Variants in PLCB4 observed in about 807,000 individuals in gnomAD.
PLCB4 encodes the protein 1-phosphatidylinositol 4,5-bisphosphate phosphodiesterase beta-4.
Under a neutral mutation model 178.8 loss-of-function variants are expected in PLCB4, and 77 were observed. That is an observed-to-expected ratio of 0.43 (90% CI 0.36 to 0.52). The LOEUF (loss-of-function observed/expected upper bound fraction) is 0.52, where lower values mean the gene tolerates loss of function less well. Ranked by LOEUF, PLCB4 falls within the 20% of genes least tolerant of loss-of-function variation. The pLI, the probability that PLCB4 is intolerant of heterozygous loss-of-function variation, is 0.00. For missense variants in PLCB4, 1,024 were observed against 1,453.4 expected (o/e 0.70, Z 4.80); for synonymous variants, 496 against 490.8 (o/e 1.01, Z -0.14).
intron 7 of PLCB4, among the ~76,000 whole-genome samples, chr20:9,340,601 A>T (rs138214360): frequency 6.6e-6 from 1 of 151,892 alleles, no homozygotes; most frequent in African/African-American, 2.4e-5. Context: ...TTCTTTTATT[A>T]CTCTTCTGAG....
At chr20:9,187,308 C>G (rs1230742015) in intron 2 of PLCB4, among the ~76,000 whole-genome samples, 2 of 152,080 alleles carry the variant, frequency 1.3e-5, no homozygotes, top group Admixed American at 6.6e-5. Context: ...ATGCCTCCAC[C>G]CACTGCCGTG....
Position 9,140,234 on chromosome 20 carries a change from C to A in PLCB4, c.-79+43892C>A, listed in dbSNP as rs903190652. Among the ~76,000 whole-genome samples, 55 of 152,038 alleles carry A rather than the reference C, an allele frequency of 3.6e-4. 1 individual carries two copies. The highest frequency in any genetic ancestry group is 1.3e-3 in the African/African-American group (54 of 41,412). ...TCAGATCTCAGCTCAAATATCACTTCCTGAGGGGAGCATGGAACACCCTGG... is the reference window on the plus strand; with the variant it reads ...TCAGATCTCAGCTCAAATATCACTTACTGAGGGGAGCATGGAACACCCTGG... On this transcript the variant is annotated intron_variant, in intron 2 of 39. Coordinates refer to ENST00000378473, the MANE Select transcript of PLCB4 (RefSeq NM_001377142.1).
chr20:9,224,592 T>C (rs544497981), intron 3 of PLCB4, among the ~76,000 whole-genome samples: 73 of 152,326 alleles, frequency 4.8e-4, no homozygotes, highest in African/African-American at 1.7e-3. Flanking sequence ...AGACTTGTCT[T>C]ACCTTTTCCA....
At chr20:9,318,271 T>A (rs925288942) in intron 4 of PLCB4, among the ~76,000 whole-genome samples, 3 of 152,060 alleles carry the variant, frequency 2.0e-5, no homozygotes, top group African/African-American at 7.3e-5. Flanking sequence ...AGGGGTTTTT[T>A]AAAGGCAGTT....
chr20:9,230,532 C>T (rs1035918904), intron 3 of PLCB4, among the ~76,000 whole-genome samples: 2 of 152,104 alleles, frequency 1.3e-5, no homozygotes, highest in Non-Finnish European at 2.9e-5. Context: ...AGTTGGCTTT[C>T]ACAAAATAAC....
intron 2 of PLCB4, among the ~76,000 whole-genome samples, chr20:9,191,905 C>T (rs1400146228): frequency 6.7e-6 from 1 of 149,504 alleles, no homozygotes; most frequent in Non-Finnish European, 1.5e-5. Context: ...TAAATATACA[C>T]ATCCTTAGAG....
At chr20:9,413,444 G>T (rs1024139937) in intron 25 of PLCB4, among the ~76,000 whole-genome samples, 1 of 152,016 alleles carries the variant, frequency 6.6e-6, no homozygotes, top group Non-Finnish European at 1.5e-5. Context: ...CAGATCACAA[G>T]GTTAGGAGAT....
intron 4 of PLCB4, among the ~76,000 whole-genome samples, chr20:9,311,757 G>C (rs1320094958): frequency 6.6e-6 from 1 of 152,108 alleles, no homozygotes; most frequent in Non-Finnish European, 1.5e-5. Context: ...GAAAGTCAAA[G>C]TATGTCCTTA....
chr20:9,116,275 A>T (rs2091776160), intron 2 of PLCB4, among the ~76,000 whole-genome samples: 1 of 151,974 alleles, frequency 6.6e-6, no homozygotes, highest in Non-Finnish European at 1.5e-5. Flanking sequence ...AACTTTTCAG[A>T]ATTCTATTTT....
chr20:9,467,548 T>A (rs1283081847), intron 35 of PLCB4, among the ~76,000 whole-genome samples: 1 of 152,272 alleles, frequency 6.6e-6, no homozygotes, highest in African/African-American at 2.4e-5. Flanking sequence ...TCACAACTAT[T>A]ATTCTTGGTT....
At chr20:9,354,505 C>G (rs1056646616) in intron 7 of PLCB4, among the ~76,000 whole-genome samples, 1 of 152,210 alleles carries the variant, frequency 6.6e-6, no homozygotes, top group African/African-American at 2.4e-5. Flanking sequence ...TTACTGGGCC[C>G]TGCCCCCAAG....
intron 4 of PLCB4, among the ~76,000 whole-genome samples, chr20:9,324,858 GA>G (rs961005064): frequency 5.5e-5 from 8 of 146,438 alleles, no homozygotes; most frequent in East Asian, 2.0e-4. Flanking sequence ...AGCTCTTGTG[GA>G]AAAAAAAAAG....
At chr20:9,378,670 C>A (rs1194660576) in intron 12 of PLCB4, among the ~76,000 whole-genome samples, 1 of 152,136 alleles carries the variant, frequency 6.6e-6, no homozygotes, top group African/African-American at 2.4e-5. Context: ...GTAGCATATG[C>A]ATGAATGTTA....
At chr20:9,269,994 C>A (rs918909620) in intron 3 of PLCB4, among the ~76,000 whole-genome samples, 5 of 152,078 alleles carry the variant, frequency 3.3e-5, no homozygotes, top group Non-Finnish European at 7.4e-5. Flanking sequence ...AACCTCCTGG[C>A]CTCCCTAACC....
chr20:9,419,394 A>T (rs745468933), intron 25 of PLCB4, among the ~76,000 whole-genome samples: 3 of 152,198 alleles, frequency 2.0e-5, no homozygotes, highest in African/African-American at 4.8e-5. Flanking sequence ...TCATAATTAG[A>T]TCTTACCATT....
At chr20:9,127,373 T>C (rs1016006822) in intron 2 of PLCB4, among the ~76,000 whole-genome samples, 1 of 152,180 alleles carries the variant, frequency 6.6e-6, no homozygotes, top group South Asian at 2.1e-4. Context: ...GATAAAATAA[T>C]AGATGATTAA....
intron 27 of PLCB4, among the ~76,000 whole-genome samples, chr20:9,422,476 A>G (rs1290724356): frequency 6.6e-6 from 1 of 152,056 alleles, no homozygotes; most frequent in Non-Finnish European, 1.5e-5. Flanking sequence ...GGTATTTCCA[A>G]TTTGTTATAG....
At chr20:9,153,499 A>G (rs2092727202) in intron 2 of PLCB4, among the ~76,000 whole-genome samples, 2 of 152,124 alleles carry the variant, frequency 1.3e-5, no homozygotes, top group African/African-American at 4.8e-5. Flanking sequence ...TGCTGCTGCC[A>G]TGTAAGAAGT....
At chr20:9,393,176 G>A (rs181984734) in intron 17 of PLCB4, among the ~76,000 whole-genome samples, 2 of 152,266 alleles carry the variant, frequency 1.3e-5, no homozygotes, top group African/African-American at 2.4e-5. Flanking sequence ...TATACAGCCT[G>A]ACACTTGGGG....
Sources: allele counts gnomAD v4.1 joint callset (sites outside exome capture counted in the v4.1 genomes callset), GRCh38; gene constraint gnomAD v4.1.1; transcripts MANE v1.5; gene names NCBI Gene and HGNC (gene_info 2026-07-23, HGNC 2026-07-21).